Variants in GPHN observed in about 807,000 individuals in gnomAD.
The protein encoded by GPHN is gephyrin.
Under a neutral mutation model 95.5 loss-of-function variants are expected in GPHN, and 17 were observed. The observed-to-expected ratio is 0.18, with a 90% CI of 0.12 to 0.27. The LOEUF (loss-of-function observed/expected upper bound fraction) is 0.27. GPHN is among the 10% of genes least tolerant of loss of function. GPHN has a pLI of 1.00. For synonymous variants in GPHN, 320 were observed against 322.5 expected (o/e 0.99, Z 0.08); for missense variants, 660 against 978.1 (o/e 0.67, Z 4.34).
At chr14:67,632,567 A>G in the GPHN span, among the ~76,000 whole-genome samples, 1 of 152,122 alleles carries the variant, frequency 6.6e-6, no homozygotes, top group Non-Finnish European at 1.5e-5. Flanking sequence ...CAGGGGAGTT[A>G]GGCTCTTACC....
At chr14:66,993,952 T>TAACA (rs1248615914) in intron 9 of GPHN, among the ~76,000 whole-genome samples, 15 of 152,168 alleles carry the variant, frequency 9.9e-5, no homozygotes, top group Admixed American at 8.5e-4. Context: ...ATGATGAAGA[T>TAACA]AACAGTAAGT....
chr14:67,073,988 A>G (rs968754085), intron 11 of GPHN, among the ~76,000 whole-genome samples: 2 of 152,304 alleles, frequency 1.3e-5, no homozygotes, highest in Middle Eastern at 3.4e-3. Context: ...CCTGTAATAC[A>G]TAAGCAAGAC....
chr14:67,571,738 G>C, the GPHN span: 3 of 1,607,754 alleles, frequency 1.9e-6, no homozygotes, highest in Non-Finnish European at 2.6e-6. Context: ...GTGAGGGAGG[G>C]GCCTGTCTTG....
intron 2 of GPHN, among the ~76,000 whole-genome samples, chr14:66,765,570 T>C (rs2058933282): frequency 6.6e-6 from 1 of 152,042 alleles, no homozygotes; most frequent in Non-Finnish European, 1.5e-5. Flanking sequence ...GGAGTACACA[T>C]GGATTCAAAG....
intron 2 of GPHN, among the ~76,000 whole-genome samples, chr14:66,699,971 TA>T (rs2068407869): frequency 6.6e-6 from 1 of 152,212 alleles, no homozygotes; most frequent in Non-Finnish European, 1.5e-5. Context: ...GGATAACTAC[TA>T]TTTTTTTAAA....
the GPHN span, among the ~76,000 whole-genome samples, chr14:67,289,357 G>A: frequency 6.6e-6 from 1 of 152,020 alleles, no homozygotes; most frequent in African/African-American, 2.4e-5. Context: ...TATTTACATT[G>A]TATTAAGTAT....
the GPHN span, among the ~76,000 whole-genome samples, chr14:67,205,378 G>A: frequency 2.0e-5 from 3 of 151,962 alleles, no homozygotes; most frequent in Admixed American, 6.6e-5. Context: ...CTCAACCTGC[G>A]GCTCATATTA....
intron 1 of GPHN, among the ~76,000 whole-genome samples, chr14:66,553,639 C>T (rs1218636438): frequency 6.6e-6 from 1 of 151,782 alleles, no homozygotes; most frequent in African/African-American, 2.4e-5. Context: ...TGCAGTGGTG[C>T]GATCTCTGTT....
At chr14:67,185,047 T>C (rs117082059), downstream of GPHN, among the ~76,000 whole-genome samples, 99 of 152,318 alleles carry the variant, frequency 6.5e-4, no homozygotes, top group Admixed American at 2.4e-3. Context: ...ATTTGTGAAC[T>C]CTTAAGAGTG....
chr14:66,750,071 C>T (rs1251082025), intron 2 of GPHN, among the ~76,000 whole-genome samples: 2 of 151,860 alleles, frequency 1.3e-5, no homozygotes, highest in Non-Finnish European at 2.9e-5. Context: ...GTTTTGCTGT[C>T]AACAGAGTTG....
the GPHN span, among the ~76,000 whole-genome samples, chr14:67,328,016 T>C: frequency 2.0e-5 from 3 of 152,318 alleles, no homozygotes; most frequent in African/African-American, 7.2e-5. Flanking sequence ...GATGGCTGGG[T>C]CAAATGGTAT....
At chr14:66,570,526 G>T (rs889938987) in intron 1 of GPHN, among the ~76,000 whole-genome samples, 3 of 151,968 alleles carry the variant, frequency 2.0e-5, no homozygotes, top group Admixed American at 6.6e-5. Flanking sequence ...GGCTGGTCTT[G>T]AACTCCTGAT....
rs148081240 is a variant in GPHN, at chr14:66,895,867, A to T, written c.389+15834A>T. ...GTAAATATCTGAACAAATCTTTTTTAAAAAATTGACTATTGTCCTGGTCCA... is the reference window on the plus strand; with the variant it reads ...GTAAATATCTGAACAAATCTTTTTTTAAAAATTGACTATTGTCCTGGTCCA... On this transcript the variant is annotated intron_variant, in intron 5 of 22. Transcript: ENST00000478722. Among the ~76,000 whole-genome samples, 909 of 152,298 alleles carry T rather than the reference A, an allele frequency of 6.0e-3. 1 individual carries two copies. Among genetic ancestry groups the T allele is most frequent in the Middle Eastern group, 0.024 (7 of 294 alleles).
At chr14:67,531,655 C>T in the GPHN span, among the ~76,000 whole-genome samples, 1 of 151,116 alleles carries the variant, frequency 6.6e-6, no homozygotes, top group Non-Finnish European at 1.5e-5. Context: ...TGGCTCATCC[C>T]TGTAATCCCA....
chr14:67,036,191 C>T (rs374672407), intron 10 of GPHN, among the ~76,000 whole-genome samples: 483 of 151,322 alleles, frequency 3.2e-3, no homozygotes, highest in African/African-American at 0.011. Flanking sequence ...CGTGATATAA[C>T]AATCAGCAAA....
intron 1 of GPHN, among the ~76,000 whole-genome samples, chr14:66,660,078 GTTGT>G (rs1251955498): frequency 5.3e-5 from 8 of 151,244 alleles, no homozygotes; most frequent in Non-Finnish European, 1.0e-4. Flanking sequence ...TTTTCTAGTG[GTTGT>G]TTATTGGTTA....
At chr14:67,388,718 C>T in the GPHN span, among the ~76,000 whole-genome samples, 1 of 152,110 alleles carries the variant, frequency 6.6e-6, no homozygotes, top group African/African-American at 2.4e-5. Context: ...CTCACTCTGT[C>T]TTTCAGGCTG....
At chr14:67,525,211 T>C in the GPHN span, among the ~76,000 whole-genome samples, 1 of 152,204 alleles carries the variant, frequency 6.6e-6, no homozygotes, top group Non-Finnish European at 1.5e-5. Context: ...AAAATAATTC[T>C]ACCCATATTT....
intron 1 of GPHN, among the ~76,000 whole-genome samples, chr14:66,515,848 A>G (rs1305049501): frequency 6.6e-6 from 1 of 152,246 alleles, no homozygotes; most frequent in Non-Finnish European, 1.5e-5. Context: ...TGAAGCATAT[A>G]TTCTAGCACT....
Sources: allele counts gnomAD v4.1 joint callset (sites outside exome capture counted in the v4.1 genomes callset), GRCh38; gene constraint gnomAD v4.1.1; transcripts MANE v1.5; gene names NCBI Gene and HGNC (gene_info 2026-07-23, HGNC 2026-07-21).